Variants in TPR observed in about 807,000 individuals in gnomAD.
TPR encodes translocated promoter region, nuclear basket protein.
TPR carries 51 observed loss-of-function variants against 316.1 expected under a neutral mutation model. The observed-to-expected ratio is 0.16, with a 90% CI of 0.13 to 0.20. TPR has a LOEUF of 0.20. Among genes scored for constraint, TPR ranks in the 10% least tolerant of loss-of-function variants. TPR has a pLI of 1.00. For synonymous variants in TPR, 981 were observed against 914.7 expected, an observed-to-expected ratio of 1.07 and a Z score of -1.31; for missense variants, 2,272 against 2,754.8, an observed-to-expected ratio of 0.82 and a Z score of 3.92.
chr1:186,353,138 T>TA (rs1345696485), intron 18 of TPR, among the ~76,000 whole-genome samples: 1 of 152,138 alleles, frequency 6.6e-6, no homozygotes, highest in Admixed American at 6.5e-5. Flanking sequence ...TTTGGGAGGC[T>TA]AAGGCGGGCA....
In TPR at chr1:186,357,536, A is replaced by T. The variant is rs1659064856; in HGVS notation, c.1585T>A (p.Ser529Thr). 1 of 1,614,110 alleles carries T rather than the reference A, an allele frequency of 6.2e-7. No individual in the cohort carries two copies. The highest frequency in any genetic ancestry group is 2.2e-5 in the East Asian group (1 of 44,880). ...AGATGCTGTGATATTACCTCAGATG[A>T]ACTACTTATATCAGCAGAGCTTACT... The part of the protein sequence containing the change: ...EEVSSADISS[S>T]SEVISQHLVS... Residue 529 changes from serine (S) to threonine (T), a missense_variant, in exon 14 of 51, where the codon TCA becomes ACA. Coordinates refer to ENST00000367478, the MANE Select transcript of TPR (RefSeq NM_003292.3).
intron 7 of TPR, 71 bp from the exon 8 acceptor site, chr1:186,361,940 GAAAAAT>G: frequency 6.8e-7 from 1 of 1,467,794 alleles, no homozygotes; most frequent in African/African-American, 1.4e-5. Flanking sequence ...ATGACAAGAT[GAAAAAT>G]TCCATTTTTG....
At position 186,317,440 on chromosome 1, in the gene TPR, T is replaced by C. The variant is rs767868268; in HGVS notation, c.6940+42A>G. ...AAAGCAGTGTTTTCACAAACAAGTTTGATGTATAAAAACTGTATTGCAGTC... is the reference window on the plus strand; with the variant it reads ...AAAGCAGTGTTTTCACAAACAAGTTCGATGTATAAAAACTGTATTGCAGTC... On this transcript the variant is annotated intron_variant, in intron 49 of 50. Coordinates refer to ENST00000367478, the MANE Select transcript of TPR (RefSeq NM_003292.3). The C allele has an allele frequency of 3.4e-6, 5 of 1,455,834 alleles. No homozygotes were observed. In the African/African-American group the frequency reaches 5.6e-5, roughly 16 times the overall value. The allele number at this position is 1,455,834 out of a possible 1,614,324, so 90.2% of individuals were successfully genotyped here. A position where few individuals can be genotyped will look rare whatever the true frequency, so the allele number is the denominator to read the frequency against.
intron 39 of TPR, among the ~76,000 whole-genome samples, chr1:186,329,596 T>C (rs1658098472): frequency 6.6e-6 from 1 of 152,154 alleles, no homozygotes; most frequent in Non-Finnish European, 1.5e-5. Flanking sequence ...GCCCATCACA[T>C]GAGGTCAGGT....
Position 186,312,920 on chromosome 1 carries a change from A to AAGG in TPR, c.*1048_*1050dup, listed in dbSNP as rs1386847112. 1 of 1,597,994 alleles carries AAGG rather than the reference A, an allele frequency of 6.3e-7. No individual in the cohort carries two copies. The highest frequency in any genetic ancestry group is 8.6e-7 in the Non-Finnish European group (1 of 1,165,484). ...GTAAGGTATTAACTAACAGTTTCCC[A>AAGG]AGGAGGTGATATCATTTGTGAAAAC... On this transcript the variant is annotated 3_prime_UTR_variant, in exon 51 of 51. Transcript: ENST00000367478.
intron 28 of TPR, 41 bp from the exon 29 acceptor site, chr1:186,341,200 C>T: frequency 1.2e-6 from 2 of 1,612,542 alleles, no homozygotes; most frequent in African/African-American, 2.7e-5. Context: ...TGTAAAAATT[C>T]ATTTATTATT....
In TPR at chr1:186,312,904, T is replaced by G; in HGVS notation, c.*1067A>C. ...TATGCCTTTTCTAAAGGTAAGGTATTAACTAACAGTTTCCCAAGGAGGTGA... is the reference window on the plus strand; with the variant it reads ...TATGCCTTTTCTAAAGGTAAGGTATGAACTAACAGTTTCCCAAGGAGGTGA... On this transcript the variant is annotated 3_prime_UTR_variant, in exon 51 of 51. Transcript: ENST00000367478. 2 of 1,608,726 alleles carry G rather than the reference T, an allele frequency of 1.2e-6. No individual in the cohort carries two copies. Among genetic ancestry groups the G allele is most frequent in the Non-Finnish European group, 1.7e-6 (2 of 1,175,124 alleles).
intron 36 of TPR, among the ~76,000 whole-genome samples, chr1:186,334,020 T>G (rs1314302187): frequency 1.3e-5 from 2 of 152,136 alleles, no homozygotes; most frequent in Non-Finnish European, 2.9e-5. Flanking sequence ...ATTGCTGTAA[T>G]GAATAACAAG....
At position 186,322,428 on chromosome 1, in the gene TPR, CAG is replaced by C. The variant is rs1557986844; in HGVS notation, c.6367-18_6367-17del. 2 of 1,611,732 alleles carry C rather than the reference CAG, an allele frequency of 1.2e-6. No homozygotes were observed. The highest frequency in any genetic ancestry group is 1.7e-6 in the Non-Finnish European group (2 of 1,179,222). On this transcript the variant is annotated splice_polypyrimidine_tract_variant and intron_variant, in intron 44 of 50. Transcript: ENST00000367478. The stretch of plus-strand genomic sequence containing the variant: ...AATGCTGTTGCTAAAACAAAGAAAA[CAG>C]AGTTAACAAACAAAACACCACACAT...
Position 186,311,713 on chromosome 1 carries a change from T to TCA in TPR, c.*2256_*2257dup. On this transcript the variant is annotated 3_prime_UTR_variant, in exon 51 of 51. Coordinates refer to ENST00000367478, the MANE Select transcript of TPR (RefSeq NM_003292.3). ...CTTTAATGGCTGAAATCAAATATTT[T>TCA]CAGTGAAAAAAATCAATATTGAGGG... The TCA allele has an allele frequency of 1.7e-6, 2 of 1,157,056 alleles. No individual in the cohort carries two copies. The highest frequency in any genetic ancestry group is 2.5e-6 in the Non-Finnish European group (2 of 802,646). 71.7% of individuals were successfully genotyped at this position (1,157,056 alleles called of 1,614,324 possible).
intron 26 of TPR, 79 bp downstream of exon 26, chr1:186,343,827 C>T (rs1244858955): frequency 8.1e-7 from 1 of 1,232,780 alleles, no homozygotes; most frequent in Admixed American, 2.6e-5. Flanking sequence ...TGTATAATCT[C>T]CTTCTCTAAT....
Position 186,330,085 on chromosome 1 carries a change from T to C in TPR, c.5688+1413A>G, listed in dbSNP as rs140095647. On this transcript the variant is annotated intron_variant, in intron 39 of 50. Coordinates refer to ENST00000367478, the MANE Select transcript of TPR (RefSeq NM_003292.3). ...ATATAGTAATGAGTTCTGTGTTAAA[T>C]ATTGATATTTAATTACTATCATACA... Among the ~76,000 whole-genome samples the C allele has an allele frequency of 1.6e-3, 246 of 152,280 alleles. 1 individual carries two copies. The highest frequency in any genetic ancestry group is 2.8e-3 in the Non-Finnish European group (189 of 68,020).
At position 186,363,834 on chromosome 1, in the gene TPR, GCA is replaced by G. The variant is rs145561185; in HGVS notation, c.428-391_428-390del. ...ACTTAAAAAATTTATCAAAACTTAT[GCA>G]CACAAACACTACACAACCCTATCTG... On this transcript the variant is annotated intron_variant, in intron 4 of 50. Transcript: ENST00000367478. 6.1e-3 allele frequency among the ~76,000 whole-genome samples: 926 copies of G among 152,042 alleles called. 13 individuals carry two copies. Among genetic ancestry groups the G allele is most frequent in the African/African-American group, 0.022 (896 of 41,496 alleles).
intron 17 of TPR, 120 bp downstream of exon 17, chr1:186,355,290 T>C: frequency 9.5e-7 from 1 of 1,047,366 alleles, no homozygotes; most frequent in African/African-American, 1.6e-5. Context: ...GAGGTTCTCA[T>C]TCTGGAACAC....
intron 42 of TPR, 161 bp downstream of exon 42, chr1:186,325,603 T>C (rs903781002): frequency 5.5e-5 from 30 of 546,172 alleles, no homozygotes; most frequent in Admixed American, 1.6e-4. Context: ...ATCATAAATA[T>C]AGTAGACTTT....
In TPR at chr1:186,355,434, G is replaced by T. The variant is rs769663852; in HGVS notation, c.2147C>A (p.Thr716Asn). Residue 716 changes from threonine to asparagine, a missense_variant, in exon 17 of 51, where the codon ACC becomes AAC. Physicochemically the swap from Thr to Asn is moderately conservative, Grantham distance 65. Around this residue, in one of 10 missense-constraint regions of TPR, gnomAD observed 757 missense variants for 859.8 expected, o/e 0.88. Coordinates refer to ENST00000367478, the MANE Select transcript of TPR (RefSeq NM_003292.3). ...DLRSQNTKIS[T>N]QLDFASKRYE... ...CCGTTTAGAAGCAAAATCTAGCTGG[G>T]TAGAAATTTTGGTATTTTGTGATCG... 14 of 1,611,408 alleles carry T rather than the reference G, an allele frequency of 8.7e-6. No homozygotes were observed. The highest frequency in any genetic ancestry group is 1.2e-5 in the Non-Finnish European group (14 of 1,179,552).
At chr1:186,350,945 A>G (rs183973640) in intron 20 of TPR, among the ~76,000 whole-genome samples, 2 of 152,130 alleles carry the variant, frequency 1.3e-5, no homozygotes, top group African/African-American at 4.8e-5. Flanking sequence ...GACTAAAAAA[A>G]CCCCACAATT....
chr1:186,332,369 T>C (rs756301823), intron 37 of TPR, 26 bp from the exon 38 acceptor site: 1 of 1,608,134 alleles, frequency 6.2e-7, no homozygotes, highest in Non-Finnish European at 8.5e-7. Context: ...AATCTTGAAT[T>C]AGAGCATGAT....
intron 30 of TPR, among the ~76,000 whole-genome samples, chr1:186,339,188 G>T (rs560066790): frequency 6.6e-6 from 1 of 152,084 alleles, no homozygotes; most frequent in Non-Finnish European, 1.5e-5. Flanking sequence ...CCAGCACTTA[G>T]GGAGGCAGAA....
Sources: gnomAD v4.1 joint callset for allele counts (sites outside exome capture counted in the v4.1 genomes callset) on GRCh38, gnomAD v4.1.1 for gene constraint, gnomAD v4.1.1 regional missense constraint, MANE v1.5 for transcripts, NCBI Gene and HGNC (gene_info 2026-07-23, HGNC 2026-07-21) for gene names.